FER: variants seen among roughly 807,000 people sequenced by gnomAD.
FER encodes the protein FER tyrosine kinase, also known as tyrosine-protein kinase Fer.
A neutral mutation model predicts 111.0 loss-of-function variants in FER; 63 were observed. The observed-to-expected ratio is 0.57, with a 90% CI of 0.46 to 0.70. The LOEUF (loss-of-function observed/expected upper bound fraction) is 0.70. Ranked by LOEUF, FER falls within the 30% of genes least tolerant of loss-of-function variation. FER has a pLI of 0.00. For missense variants in FER, 914 were observed against 954.0 expected (o/e 0.96, Z 0.55); for synonymous variants, 327 against 313.9 (o/e 1.04, Z -0.44).
chr5:108,879,399 C>T (rs936760855), intron 8 of FER, among the ~76,000 whole-genome samples: 4 of 151,804 alleles, frequency 2.6e-5, no homozygotes, highest in Non-Finnish European at 4.4e-5. Flanking sequence ...CTCACCCTGC[C>T]GGCCCTCCCC....
chr5:109,145,424 G>A (rs1753981154), intron 17 of FER, among the ~76,000 whole-genome samples: 1 of 152,062 alleles, frequency 6.6e-6, no homozygotes, highest in Non-Finnish European at 1.5e-5. Flanking sequence ...ATTTTATGAA[G>A]TTAAATTTAC....
intron 14 of FER, among the ~76,000 whole-genome samples, chr5:109,043,595 C>T (rs1771497704): frequency 6.6e-6 from 1 of 152,116 alleles, no homozygotes; most frequent in African/African-American, 2.4e-5. Context: ...TTACATTCAT[C>T]TTAGTGCTCT....
chr5:109,017,052 T>C (rs1767241497), intron 13 of FER, among the ~76,000 whole-genome samples: 1 of 152,048 alleles, frequency 6.6e-6, no homozygotes, highest in Non-Finnish European at 1.5e-5. Flanking sequence ...TCTATGATAC[T>C]TTGTTATGGC....
intron 16 of FER, among the ~76,000 whole-genome samples, chr5:109,088,342 C>T (rs900869892): frequency 6.6e-6 from 1 of 152,024 alleles, no homozygotes; most frequent in Non-Finnish European, 1.5e-5. Flanking sequence ...CAGTAGTTTT[C>T]TCTGTCTTTG....
chr5:108,949,883 A>G (rs1020440712), intron 11 of FER, among the ~76,000 whole-genome samples: 1 of 152,112 alleles, frequency 6.6e-6, no homozygotes, highest in Non-Finnish European at 1.5e-5. Flanking sequence ...CTATAGCAAA[A>G]ATGTGTTAAA....
At chr5:109,158,475 A>G (rs999774564) in intron 17 of FER, among the ~76,000 whole-genome samples, 2 of 152,286 alleles carry the variant, frequency 1.3e-5, no homozygotes, top group South Asian at 2.1e-4. Flanking sequence ...TGAGTTAGAA[A>G]AAAATGATGG....
intron 8 of FER, 101 bp downstream of exon 8, chr5:108,872,313 C>T: frequency 8.4e-7 from 1 of 1,186,844 alleles, no homozygotes; most frequent in East Asian, 2.8e-5. Flanking sequence ...AAGTATTGAA[C>T]AGTAAATTTT....
intron 17 of FER, among the ~76,000 whole-genome samples, chr5:109,141,255 A>G: frequency 6.6e-6 from 1 of 152,336 alleles, no homozygotes; most frequent in East Asian, 1.9e-4. Context: ...CATGTTAACA[A>G]TATTTTATTT....
At chr5:108,894,311 A>G (rs1020963806) in intron 9 of FER, 19 of 857,966 alleles carry the variant, frequency 2.2e-5, no homozygotes, top group South Asian at 1.8e-4. Flanking sequence ...GGGGTCACCA[A>G]TGAAAGAGGA....
chr5:108,881,120 G>C (rs1442711188), intron 8 of FER, among the ~76,000 whole-genome samples: 1 of 152,104 alleles, frequency 6.6e-6, no homozygotes. Flanking sequence ...ATAGTCATCT[G>C]TTTCTTATCC....
intron 16 of FER, among the ~76,000 whole-genome samples, chr5:109,070,890 T>G (rs529161079): frequency 2.1e-4 from 32 of 152,192 alleles, no homozygotes; most frequent in African/African-American, 6.3e-4. Context: ...TTCATGTATC[T>G]TTTGCTGAAA....
chr5:108,922,732 AG>A (rs1421194841), intron 10 of FER, among the ~76,000 whole-genome samples: 1 of 152,206 alleles, frequency 6.6e-6, no homozygotes, highest in Non-Finnish European at 1.5e-5. Context: ...GGTTACAGTT[AG>A]GGAAAAATGA....
chr5:109,035,500 C>G (rs1378724636), intron 13 of FER, among the ~76,000 whole-genome samples: 1 of 152,128 alleles, frequency 6.6e-6, no homozygotes, highest in Non-Finnish European at 1.5e-5. Flanking sequence ...ATAGTCAGTT[C>G]CCTGAATGTA....
At position 108,928,489 on chromosome 5, in the gene FER, A is replaced by T. The variant is rs1175233795; in HGVS notation, c.1237-17641A>T. On this transcript the variant is annotated intron_variant, in intron 10 of 19. Coordinates refer to ENST00000281092, the MANE Select transcript of FER (RefSeq NM_005246.4). ...ATGTATTATAGGGCTCAACTTTTTA[A>T]TAAGAATAAAATAAATATTGTAAGG... Among the ~76,000 whole-genome samples, 7 of 152,308 alleles carry T rather than the reference A, an allele frequency of 4.6e-5. No homozygotes were observed. In the East Asian group the frequency reaches 1.3e-3, roughly 29 times the overall value.
chr5:108,813,418 A>G (rs972660053), intron 3 of FER, among the ~76,000 whole-genome samples: 3 of 152,136 alleles, frequency 2.0e-5, no homozygotes, highest in South Asian at 2.1e-4. Flanking sequence ...ATGGGCTACT[A>G]CAGTTTTCAT....
chr5:108,975,341 G>A (rs6893984), intron 13 of FER, among the ~76,000 whole-genome samples: 39,152 of 151,768 alleles, frequency 0.26, 5,496 homozygotes, highest in African/African-American at 0.38. Context: ...TAGGTGCAGC[G>A]AACCACCATG....
At chr5:108,887,332 G>T (rs533126805) in intron 9 of FER, among the ~76,000 whole-genome samples, 1 of 151,634 alleles carries the variant, frequency 6.6e-6, no homozygotes, top group Admixed American at 6.6e-5. Flanking sequence ...TCTAATGACA[G>T]TGAAAAAATA....
chr5:109,145,032 G>GT (rs1192963083), intron 17 of FER, among the ~76,000 whole-genome samples: 4 of 150,124 alleles, frequency 2.7e-5, no homozygotes, highest in African/African-American at 7.4e-5. Flanking sequence ...CATTTCTTTA[G>GT]TTGTTTTTTT....
At chr5:109,158,240 G>A (rs950483131) in intron 17 of FER, among the ~76,000 whole-genome samples, 4 of 151,664 alleles carry the variant, frequency 2.6e-5, no homozygotes, top group Non-Finnish European at 2.9e-5. Flanking sequence ...AAAATTAGCC[G>A]GGCTTGGTGG....
Sources: allele counts gnomAD v4.1 joint callset (sites outside exome capture counted in the v4.1 genomes callset), GRCh38; gene constraint gnomAD v4.1.1; transcripts MANE v1.5; gene names NCBI Gene and HGNC (gene_info 2026-07-23, HGNC 2026-07-21).